The following KLHL2 variants were observed in gnomAD, a reference collection of about 807,000 sequenced individuals.
The protein encoded by KLHL2 is kelch-like protein 2.
In KLHL2, 15 loss-of-function variants were observed where a neutral mutation model predicts 75.8. The observed-to-expected ratio is 0.20, with a 90% CI of 0.13 to 0.30. The LOEUF (loss-of-function observed/expected upper bound fraction) is 0.30, where lower values mean the gene tolerates loss of function less well. Ranked by LOEUF, KLHL2 falls within the 10% of genes least tolerant of loss-of-function variation. The pLI is 1.00. For missense variants in KLHL2, 381 were observed against 741.0 expected, an observed-to-expected ratio of 0.51 and a Z score of 5.64; for synonymous variants, 214 against 251.9, an observed-to-expected ratio of 0.85 and a Z score of 1.42.
chr4:165,274,733 T>TAATTA (rs1446174119), intron 5 of KLHL2, among the ~76,000 whole-genome samples: 1 of 152,236 alleles, frequency 6.6e-6, no homozygotes, highest in Non-Finnish European at 1.5e-5. Context: ...GAATACATTA[T>TAATTA]AATTAAATTA....
Position 165,260,579 on chromosome 4 carries a change from G to T in KLHL2, c.382-2618G>T, listed in dbSNP as rs77195703. On this transcript the variant is annotated intron_variant, in intron 4 of 14. Transcript: ENST00000226725. ...ACACACACATATATGTGTGTGTGTG[G>T]GGGGGGTGTATATGTTAGCATAATA... Among the ~76,000 whole-genome samples, 247 of 131,356 alleles carry T rather than the reference G, an allele frequency of 1.9e-3. No individual in the cohort carries two copies. In the East Asian group the frequency reaches 0.026, roughly 14 times the overall value. 86.2% of individuals were successfully genotyped at this position (131,356 alleles called of 152,430 possible).
chr4:165,307,992 C>A (rs1413284745), intron 9 of KLHL2, among the ~76,000 whole-genome samples: 3 of 152,108 alleles, frequency 2.0e-5, no homozygotes, highest in African/African-American at 7.2e-5. Flanking sequence ...TAAATTTCCA[C>A]ATTTACTTGG....
chr4:165,285,955 A>G (rs1188230043), intron 5 of KLHL2, among the ~76,000 whole-genome samples: 1 of 152,140 alleles, frequency 6.6e-6, no homozygotes, highest in Non-Finnish European at 1.5e-5. Context: ...TGCTTGAGGG[A>G]GAGCCAGCAG....
chr4:165,276,503 A>G (rs1579098193), intron 5 of KLHL2, among the ~76,000 whole-genome samples: 1 of 150,512 alleles, frequency 6.6e-6, no homozygotes, highest in South Asian at 2.1e-4. Context: ...CACTGCCATC[A>G]GCCTAACTTT....
At chr4:165,235,703 C>T (rs2111079802) in intron 3 of KLHL2, among the ~76,000 whole-genome samples, 1 of 151,954 alleles carries the variant, frequency 6.6e-6, no homozygotes, top group Admixed American at 6.6e-5. Context: ...AGTGGATTTG[C>T]ATGAGGTACC....
At chr4:165,218,532 T>G (rs1293168028) in intron 1 of KLHL2, among the ~76,000 whole-genome samples, 2 of 152,156 alleles carry the variant, frequency 1.3e-5, no homozygotes, top group Non-Finnish European at 2.9e-5. Context: ...TTTCTCTCTC[T>G]CTTCACGCTG....
At chr4:165,310,199 C>T (rs907114147) in intron 9 of KLHL2, among the ~76,000 whole-genome samples, 1 of 152,092 alleles carries the variant, frequency 6.6e-6, no homozygotes, top group Non-Finnish European at 1.5e-5. Context: ...GTGGCGGGCG[C>T]CTGTAGTCCC....
At chr4:165,316,186 G>A (rs1050876523) in intron 13 of KLHL2, among the ~76,000 whole-genome samples, 1 of 152,160 alleles carries the variant, frequency 6.6e-6, no homozygotes, top group African/African-American at 2.4e-5. Context: ...ATGGATGTAT[G>A]GACCAACCTC....
intron 3 of KLHL2, among the ~76,000 whole-genome samples, chr4:165,236,590 A>G (rs1230845490): frequency 6.6e-6 from 1 of 152,236 alleles, no homozygotes; most frequent in Admixed American, 6.5e-5. Flanking sequence ...ATTTCCTCTG[A>G]AAACACAGCA....
intron 10 of KLHL2, among the ~76,000 whole-genome samples, chr4:165,311,048 G>A (rs544920604): frequency 7.2e-5 from 11 of 151,954 alleles, no homozygotes; most frequent in Admixed American, 3.3e-4. Context: ...TAGTAGAGAC[G>A]GGGTTTCACC....
chr4:165,277,100 T>C (rs536467767), intron 5 of KLHL2, among the ~76,000 whole-genome samples: 1 of 152,292 alleles, frequency 6.6e-6, no homozygotes, highest in South Asian at 2.1e-4. Context: ...TGCCCAAAAA[T>C]GTATACAGCT....
chr4:165,313,857 C>T (rs558750917), intron 12 of KLHL2, among the ~76,000 whole-genome samples, 169 bp from the exon 13 acceptor site: 1 of 152,118 alleles, frequency 6.6e-6, no homozygotes, highest in African/African-American at 2.4e-5. Context: ...CTTATTTAAT[C>T]ATCAATTGTA....
intron 5 of KLHL2, among the ~76,000 whole-genome samples, chr4:165,265,912 G>T (rs1485951598): frequency 6.6e-6 from 1 of 152,168 alleles, no homozygotes; most frequent in Non-Finnish European, 1.5e-5. Context: ...TTCCACGATG[G>T]TTGAACTAAT....
intron 4 of KLHL2, among the ~76,000 whole-genome samples, chr4:165,244,417 G>C (rs905118621): frequency 6.6e-6 from 1 of 152,240 alleles, no homozygotes; most frequent in Non-Finnish European, 1.5e-5. Context: ...AGGGCATGGA[G>C]AGAATTGGTT....
chr4:165,301,518 A>G (rs980391818), intron 8 of KLHL2, among the ~76,000 whole-genome samples: 3 of 152,168 alleles, frequency 2.0e-5, no homozygotes, highest in Admixed American at 1.3e-4. Context: ...TGCTGATTTT[A>G]TATGTGTTTA....
chr4:165,250,139 A>G (rs1187832287), intron 4 of KLHL2, among the ~76,000 whole-genome samples: 1 of 149,498 alleles, frequency 6.7e-6, no homozygotes, highest in Non-Finnish European at 1.5e-5. Flanking sequence ...AAAAAAAAAT[A>G]GTTTGTTCTG....
Position 165,219,202 on chromosome 4 carries a change from A to G in KLHL2, c.27-732A>G, listed in dbSNP as rs1737788490. Among the ~76,000 whole-genome samples the G allele has an allele frequency of 3.9e-5, 6 of 152,354 alleles. No homozygotes were observed. The East Asian group carries it at 1.2e-3, about 29-fold the overall frequency. On this transcript the variant is annotated intron_variant, in intron 1 of 14. Coordinates refer to ENST00000226725, the MANE Select transcript of KLHL2 (RefSeq NM_007246.4). ...AAATATTCACTGTTCAGTGTAGGAA[A>G]TGGTATTGAAATATTAGTGAAAAGA... is the stretch of plus-strand genomic sequence containing the variant.
intron 5 of KLHL2, among the ~76,000 whole-genome samples, chr4:165,289,607 T>G (rs1334653475): frequency 6.6e-6 from 1 of 151,542 alleles, no homozygotes; most frequent in Non-Finnish European, 1.5e-5. Flanking sequence ...AGTTGACTAT[T>G]TTCCTTGCCC....
intron 11 of KLHL2, among the ~76,000 whole-genome samples, chr4:165,312,888 G>A (rs1442183864): frequency 3.3e-5 from 5 of 151,946 alleles, no homozygotes; most frequent in East Asian, 1.9e-4. Context: ...CCTTTTTTCC[G>A]ATTTCCTAAG....
Sources: gnomAD v4.1 joint callset for allele counts (sites outside exome capture counted in the v4.1 genomes callset) on GRCh38, gnomAD v4.1.1 for gene constraint, MANE v1.5 for transcripts, NCBI Gene and HGNC (gene_info 2026-07-23, HGNC 2026-07-21) for gene names.